The following MAD2L1 variants were observed in gnomAD, a reference collection of about 807,000 sequenced individuals.
The protein encoded by MAD2L1 is mitotic spindle assembly checkpoint protein MAD2A.
MAD2L1 carries 10 observed loss-of-function variants against 25.9 expected under a neutral mutation model. The ratio of observed to expected loss-of-function variants is 0.39; its 90% CI spans 0.24 to 0.66. The LOEUF (loss-of-function observed/expected upper bound fraction) is 0.66. MAD2L1 is among the 30% of genes least tolerant of loss of function. The pLI is 0.49. For synonymous variants in MAD2L1, 81 were observed against 91.8 expected (o/e 0.88, Z 0.67); for missense variants, 180 against 246.4 (o/e 0.73, Z 1.80).
intron 2 of MAD2L1, among the ~76,000 whole-genome samples, chr4:120,063,920 G>C (rs1435110578): frequency 4.6e-5 from 7 of 152,098 alleles, no homozygotes; most frequent in Non-Finnish European, 1.0e-4. Context: ...TGTGGTGTGG[G>C]GGCAGAGGTT....
intron 1 of MAD2L1, 58 bp downstream of exon 1, chr4:120,066,604 C>T (rs2110510174): frequency 2.7e-6 from 4 of 1,470,536 alleles, no homozygotes; most frequent in Non-Finnish European, 3.8e-6. Flanking sequence ...GAGCTGTGGG[C>T]CTACTGAGCC....
intron 2 of MAD2L1, 95 bp from the exon 3 acceptor site, chr4:120,062,190 T>C: frequency 8.9e-7 from 1 of 1,120,694 alleles, no homozygotes; most frequent in Non-Finnish European, 1.3e-6. Context: ...AGCAAATTCC[T>C]ACCACTGCTA....
In MAD2L1 at chr4:120,056,563, T is replaced by C. The variant is rs1340942378; in HGVS notation, c.*3555A>G. 6.6e-6 allele frequency: 1 copy of C among 152,234 alleles called. No homozygotes were observed. The highest frequency in any genetic ancestry group is 2.4e-5 in the African/African-American group (1 of 41,458). The allele number at this position is 152,234 out of a possible 1,614,324, so 9.4% of individuals were successfully genotyped here. A position where few individuals can be genotyped will look rare whatever the true frequency, so the allele number is the denominator to read the frequency against. ...CAAGATGAAGAAATGGTCTATGAAG[T>C]TATCTACCTTATTGTGCTAATAATC... On this transcript the variant is annotated 3_prime_UTR_variant, in exon 5 of 5. Coordinates refer to ENST00000296509, the MANE Select transcript of MAD2L1 (RefSeq NM_002358.4).
Position 120,060,962 on chromosome 4 carries a change from C to T in MAD2L1, c.357G>A (p.Lys119=). 1 of 1,607,212 alleles carries T rather than the reference C, an allele frequency of 6.2e-7. No homozygotes were observed. The highest frequency in any genetic ancestry group is 1.1e-5 in the South Asian group (1 of 90,750). ...TTTCATCCTGGATAGCTTTCTGAGA[C>T]TTTTCTCTGGGTGCACTGTCAAAAA... ...TAKDDSAPRE[K]SQKAIQDEIR... Residue 119 remains lysine (K), a synonymous_variant, in exon 4 of 5, where the codon AAG becomes AAA. Coordinates refer to ENST00000296509, the MANE Select transcript of MAD2L1 (RefSeq NM_002358.4).
chr4:120,066,488 G>C (rs1726322682), intron 1 of MAD2L1, among the ~76,000 whole-genome samples, 174 bp downstream of exon 1: 3 of 152,228 alleles, frequency 2.0e-5, no homozygotes. Context: ...TACGCCGCGA[G>C]GTAGGCCCCA....
rs1477717957 is a variant in MAD2L1, at chr4:120,056,835, G to T, written c.*3283C>A. On this transcript the variant is annotated 3_prime_UTR_variant, in exon 5 of 5. Transcript: ENST00000296509. ...TTTCAGATCAAATTGTGAACTGTGGGGTGTGTTAGGAAGTATGTCAAGAAA... is the reference window on the plus strand; with the variant it reads ...TTTCAGATCAAATTGTGAACTGTGGTGTGTGTTAGGAAGTATGTCAAGAAA... 7.9e-5 allele frequency: 12 copies of T among 152,128 alleles called. No individual in the cohort carries two copies. The highest frequency in any genetic ancestry group is 7.9e-4 in the Admixed American group (12 of 15,270). 9.4% of individuals were successfully genotyped at this position (152,128 alleles called of 1,614,324 possible). A position where few individuals can be genotyped will look rare whatever the true frequency, so the allele number is the denominator to read the frequency against.
At chr4:120,065,347 G>A in intron 2 of MAD2L1, 1 of 201,164 alleles carries the variant, frequency 5.0e-6, no homozygotes, top group South Asian at 1.1e-4. Context: ...AGTGTATATT[G>A]TCTCAGATAG....
At chr4:120,062,646 A>G (rs946435971) in intron 2 of MAD2L1, among the ~76,000 whole-genome samples, 6 of 152,230 alleles carry the variant, frequency 3.9e-5, no homozygotes, top group Admixed American at 3.9e-4. Context: ...AAAATAAAAC[A>G]AAGTAATCCT....
intron 2 of MAD2L1, among the ~76,000 whole-genome samples, chr4:120,062,304 G>A (rs1413067603): frequency 1.3e-5 from 2 of 152,140 alleles, no homozygotes; most frequent in Non-Finnish European, 2.9e-5. Context: ...TGGTGCTGAG[G>A]ACAGAATACT....
At position 120,060,181 on chromosome 4, in the gene MAD2L1, T is replaced by C. The variant is rs757737153; in HGVS notation, c.555A>G (p.Ser185=). 1.1e-5 allele frequency: 17 copies of C among 1,612,446 alleles called. No homozygotes were observed. Among genetic ancestry groups the C allele is most frequent in the Non-Finnish European group, 1.3e-5 (15 of 1,179,616 alleles). ...TTACTTTGTGGATTGTAGTAGTAAA[T>C]GAACGAAGGCGGACTTCCTCAGAAT... The part of the protein sequence containing the change: ...ITNSEEVRLR[S]FTTTIHKVNS... Residue 185 remains serine (S), a synonymous_variant, in exon 5 of 5, where the codon TCA becomes TCG. Transcript: ENST00000296509.
At position 120,065,697 on chromosome 4, in the gene MAD2L1, TA is replaced by T; in HGVS notation, c.194del (p.Leu65GlnfsTer8). 6.2e-7 allele frequency: 1 copy of T among 1,613,654 alleles called. No homozygotes were observed. Among genetic ancestry groups the T allele is most frequent in the South Asian group, 1.1e-5 (1 of 91,036 alleles). ...CTTTCAGTTGTTCCACCACATTATT[TA>T]GGTATTTTATGAGCTCAAGATCAGT... ...VTTDLELIKYLNNVVEQLKDW... is the reference protein window; with the variant it reads ...VTTDLELIKYXNNVVEQLKDW... On this transcript the variant is annotated frameshift_variant, in exon 2 of 5. Coordinates refer to ENST00000296509, the MANE Select transcript of MAD2L1 (RefSeq NM_002358.4). LOFTEE classifies it high-confidence loss of function.
rs144883075 is a variant in MAD2L1, at chr4:120,056,951, T to C, written c.*3167A>G. ...TACTATGGATGGAGGCAACAAACGA[T>C]GTTTTACAAGTGAGCTTTAAATATT... On this transcript the variant is annotated 3_prime_UTR_variant, in exon 5 of 5. Transcript: ENST00000296509. 2 of 152,220 alleles carry C rather than the reference T, an allele frequency of 1.3e-5. No individual in the cohort carries two copies. The highest frequency in any genetic ancestry group is 2.1e-4 in the South Asian group (1 of 4,834). 9.4% of individuals were successfully genotyped at this position (152,220 alleles called of 1,614,324 possible). A position where few individuals can be genotyped will look rare whatever the true frequency, so the allele number is the denominator to read the frequency against.
chr4:120,062,537 G>A (rs1181372284), intron 2 of MAD2L1, among the ~76,000 whole-genome samples: 1 of 152,134 alleles, frequency 6.6e-6, no homozygotes, highest in Non-Finnish European at 1.5e-5. Flanking sequence ...ATATGCAAAA[G>A]GATACGAAAG....
chr4:120,061,646 T>C (rs1197694770), intron 3 of MAD2L1, among the ~76,000 whole-genome samples: 5 of 152,136 alleles, frequency 3.3e-5, no homozygotes, highest in Admixed American at 6.6e-5. Context: ...TCATTCCTTA[T>C]AGTTAAAAAT....
chr4:120,062,211 C>G, intron 2 of MAD2L1, 116 bp from the exon 3 acceptor site: 1 of 887,122 alleles, frequency 1.1e-6, no homozygotes, highest in Non-Finnish European at 1.7e-6. Context: ...TCTGGGACCT[C>G]CTCCTATGTG....
rs771092220 is a variant in MAD2L1 at position 120,061,955 on chromosome 4, A to G, written c.341+20T>C. The G allele has an allele frequency of 6.3e-7, 1 of 1,577,672 alleles. No individual in the cohort carries two copies. The highest frequency in any genetic ancestry group is 1.2e-5 in the South Asian group (1 of 83,768). Reference sequence around the variant, plus strand: ...TGAAAAAAAATATATCAAAGTAGAAATAATGTAATTCCTATTTACCTGTCA... The same window carrying G: ...TGAAAAAAAATATATCAAAGTAGAAGTAATGTAATTCCTATTTACCTGTCA... On this transcript the variant is annotated intron_variant, in intron 3 of 4. Coordinates refer to ENST00000296509, the MANE Select transcript of MAD2L1 (RefSeq NM_002358.4).
At chr4:120,062,855 G>A (rs1468353009) in intron 2 of MAD2L1, among the ~76,000 whole-genome samples, 1 of 152,204 alleles carries the variant, frequency 6.6e-6, no homozygotes, top group East Asian at 1.9e-4. Context: ...ACACTAGTTA[G>A]TCAATCAGTA....
Position 120,056,065 on chromosome 4 carries a change from A to G in MAD2L1, c.*4053T>C, listed in dbSNP as rs771745621. The G allele has an allele frequency of 5.3e-5, 8 of 152,222 alleles. No homozygotes were observed. The highest frequency in any genetic ancestry group is 1.0e-4 in the Non-Finnish European group (7 of 68,032). 9.4% of individuals were successfully genotyped at this position (152,222 alleles called of 1,614,324 possible). A position where few individuals can be genotyped will look rare whatever the true frequency, so the allele number is the denominator to read the frequency against. On this transcript the variant is annotated 3_prime_UTR_variant, in exon 5 of 5. Coordinates refer to ENST00000296509, the MANE Select transcript of MAD2L1 (RefSeq NM_002358.4). ...AAAAGGTGACGAAACACTCCTTTTG[A>G]TATGCTTGTTGGGGAGTCAGGATGA... is the stretch of plus-strand genomic sequence containing the variant.
chr4:120,064,865 A>C (rs1244286391), intron 2 of MAD2L1, among the ~76,000 whole-genome samples: 2 of 152,194 alleles, frequency 1.3e-5, no homozygotes, highest in African/African-American at 4.8e-5. Context: ...TCAACAACAA[A>C]AGAAATAATT....
Sources: gnomAD v4.1 joint callset for allele counts (sites outside exome capture counted in the v4.1 genomes callset) on GRCh38, gnomAD v4.1.1 for gene constraint, MANE v1.5 for transcripts, NCBI Gene and HGNC (gene_info 2026-07-23, HGNC 2026-07-21) for gene names.